The following ADCY1 variants were observed in gnomAD, a reference collection of about 807,000 sequenced individuals.
ADCY1 encodes adenylate cyclase type 1.
In ADCY1, 28 loss-of-function variants were observed where a neutral mutation model predicts 105.4. That is an observed-to-expected ratio of 0.27 (90% confidence interval 0.20 to 0.36). The LOEUF (loss-of-function observed/expected upper bound fraction) is 0.36, where lower values mean the gene tolerates loss of function less well. Ranked by LOEUF, ADCY1 falls within the 10% of genes least tolerant of loss-of-function variation. The pLI is 1.00. For missense variants in ADCY1, 977 were observed against 1,434.2 expected (o/e 0.68, Z 5.15); for synonymous variants, 655 against 623.8 (o/e 1.05, Z -0.75).
At chr7:45,685,127 C>T in intron 12 of ADCY1, 59 bp downstream of exon 12, 1 of 1,488,444 alleles carries the variant, frequency 6.7e-7, no homozygotes, top group Non-Finnish European at 9.4e-7. Flanking sequence ...CATGGAGGAC[C>T]AGCCCAGAAG....
At chr7:45,643,514 A>G (rs775694603) in intron 4 of ADCY1, among the ~76,000 whole-genome samples, 1 of 152,224 alleles carries the variant, frequency 6.6e-6, no homozygotes, top group Non-Finnish European at 1.5e-5. Flanking sequence ...TCCTTGCATT[A>G]TATTCTACCA....
chr7:45,672,242 G>T (rs1243317841), intron 8 of ADCY1, among the ~76,000 whole-genome samples: 1 of 152,086 alleles, frequency 6.6e-6, no homozygotes, highest in Non-Finnish European at 1.5e-5. Flanking sequence ...TCAAAAGTCA[G>T]TTGGCCATAC....
At chr7:45,622,067 C>G (rs754442871) in intron 3 of ADCY1, among the ~76,000 whole-genome samples, 1 of 152,148 alleles carries the variant, frequency 6.6e-6, no homozygotes, top group African/African-American at 2.4e-5. Flanking sequence ...TACGTAGAGG[C>G]TTTGATGCAA....
chr7:45,691,199 G>T (rs529192716), intron 14 of ADCY1, among the ~76,000 whole-genome samples: 1 of 152,338 alleles, frequency 6.6e-6, no homozygotes, highest in South Asian at 2.1e-4. Context: ...AATGCCCAAT[G>T]AGCATACCAG....
intron 4 of ADCY1, among the ~76,000 whole-genome samples, chr7:45,631,467 A>G (rs1230266965): frequency 2.0e-5 from 3 of 152,262 alleles, no homozygotes; most frequent in African/African-American, 7.2e-5. Flanking sequence ...AGTCTGCCTC[A>G]CAATCCAGCA....
chr7:45,588,907 A>G (rs1280637893), intron 1 of ADCY1, among the ~76,000 whole-genome samples: 1 of 149,406 alleles, frequency 6.7e-6, no homozygotes, highest in Non-Finnish European at 1.5e-5. Flanking sequence ...GTGTGTGTGT[A>G]ACACTTTCCT....
intron 4 of ADCY1, among the ~76,000 whole-genome samples, chr7:45,648,227 G>T (rs1302294999): frequency 6.6e-6 from 1 of 152,232 alleles, no homozygotes; most frequent in Non-Finnish European, 1.5e-5. Context: ...ACCCTTCCTG[G>T]GGAGAAGCAG....
In ADCY1 at chr7:45,703,301, AGAAG is replaced by A; in HGVS notation, c.2455-70_2455-67del. The A allele has an allele frequency of 7.1e-7, 1 of 1,406,234 alleles. No homozygotes were observed. The highest frequency in any genetic ancestry group is 1.7e-5 in the Admixed American group (1 of 59,496). The allele number at this position is 1,406,234 out of a possible 1,614,324, so 87.1% of individuals were successfully genotyped here. ...CACCTGGAGTCCAGTTTGGATGATTAGAAGGAAGTGTGCGGTGGGAACAAGTGAA... is the reference window on the plus strand; with the variant it reads ...CACCTGGAGTCCAGTTTGGATGATTAGAAGTGTGCGGTGGGAACAAGTGAA... On this transcript the variant is annotated intron_variant, in intron 14 of 19. Coordinates refer to ENST00000297323, the MANE Select transcript of ADCY1 (RefSeq NM_021116.4). This position sits in a 1 kb window ranked among gnomAD's most constrained non-coding sequence, Gnocchi z 5.9.
Position 45,716,644 on chromosome 7 carries a change from C to T in ADCY1, c.*2649C>T, listed in dbSNP as rs1034047973. 2 of 153,360 alleles carry T rather than the reference C, an allele frequency of 1.3e-5. No individual in the cohort carries two copies. Among genetic ancestry groups the T allele is most frequent in the African/African-American group, 4.8e-5 (2 of 41,484 alleles). The allele number at this position is 153,360 out of a possible 1,614,324, so 9.5% of individuals were successfully genotyped here. ...GTGCCGCTGCCCAGCTTCGGCCATC[C>T]AGGTGGTGGGTAGACAGAGGAGTGA... On this transcript the variant is annotated 3_prime_UTR_variant, in exon 20 of 20. Transcript: ENST00000297323.
intron 1 of ADCY1, among the ~76,000 whole-genome samples, chr7:45,590,708 T>C (rs1792889277): frequency 6.6e-6 from 1 of 151,576 alleles, no homozygotes. Context: ...ATAGTGGAGA[T>C]TTCAAGGTCA....
chr7:45,712,086 TATA>T (rs1186316354), intron 19 of ADCY1, among the ~76,000 whole-genome samples: 1 of 132,752 alleles, frequency 7.5e-6, no homozygotes, highest in Non-Finnish European at 1.6e-5. Flanking sequence ...ATATTAAATA[TATA>T]ATATATTTTA....
intron 7 of ADCY1, among the ~76,000 whole-genome samples, chr7:45,660,674 G>A (rs1237411672): frequency 1.3e-5 from 2 of 152,042 alleles, no homozygotes; most frequent in Non-Finnish European, 2.9e-5. Context: ...TCAGGTGAGG[G>A]TGCAGGACTC....
At chr7:45,687,648 A>G (rs941267254) in intron 14 of ADCY1, among the ~76,000 whole-genome samples, 4 of 152,248 alleles carry the variant, frequency 2.6e-5, no homozygotes, top group Non-Finnish European at 1.5e-5. Flanking sequence ...CACCTTAAGA[A>G]TAGCTCTTCG....
Position 45,703,508 on chromosome 7 carries a change from G to A in ADCY1, c.2571+16G>A. 2 of 1,613,990 alleles carry A rather than the reference G, an allele frequency of 1.2e-6. No individual in the cohort carries two copies. Among genetic ancestry groups the A allele is most frequent in the Non-Finnish European group, 1.7e-6 (2 of 1,179,948 alleles). On this transcript the variant is annotated intron_variant, in intron 15 of 19. Transcript: ENST00000297323. This position sits in a 1 kb window ranked among gnomAD's most constrained non-coding sequence, Gnocchi z 5.9. Reference sequence around the variant, plus strand: ...TCGGAACATGGTGAGCACCCAGCCTGCTCCTGGCCAGCACTAGCCCTACAC... The same window carrying A: ...TCGGAACATGGTGAGCACCCAGCCTACTCCTGGCCAGCACTAGCCCTACAC...
intron 4 of ADCY1, among the ~76,000 whole-genome samples, chr7:45,640,731 T>A (rs1292657705): frequency 6.6e-6 from 1 of 152,252 alleles, no homozygotes; most frequent in Non-Finnish European, 1.5e-5. Context: ...TTATCTTTAT[T>A]TTCTATAGGG....
chr7:45,662,019 A>G lies in ADCY1; in HGVS notation c.1450-40A>G, dbSNP rs1795119688. On this transcript the variant is annotated intron_variant, in intron 7 of 19. Coordinates refer to ENST00000297323, the MANE Select transcript of ADCY1 (RefSeq NM_021116.4). ...CAGTCCGAGAGGCACAATGTGTCTC[A>G]TTCACAGCATTTCTCCTTGCCCCTT... 8.1e-6 allele frequency: 13 copies of G among 1,597,696 alleles called. No homozygotes were observed. In the East Asian group the frequency reaches 2.9e-4, roughly 36 times the overall value.
Position 45,716,397 on chromosome 7 carries a change from TG to T in ADCY1, c.*2404del, listed in dbSNP as rs1044021831. ...CTTCAGGACAAATGGTTTGTCCTTA[TG>T]GTCCCCTTTCCACTAGGATTTTCTC... On this transcript the variant is annotated 3_prime_UTR_variant, in exon 20 of 20. Transcript: ENST00000297323. 10 of 152,620 alleles carry T rather than the reference TG, an allele frequency of 6.6e-5. No individual in the cohort carries two copies. The highest frequency in any genetic ancestry group is 2.2e-4 in the African/African-American group (9 of 41,576). 9.5% of individuals were successfully genotyped at this position (152,620 alleles called of 1,614,324 possible).
At chr7:45,637,749 A>T (rs1459660462) in intron 4 of ADCY1, among the ~76,000 whole-genome samples, 3 of 152,220 alleles carry the variant, frequency 2.0e-5, no homozygotes, top group Non-Finnish European at 2.9e-5. Flanking sequence ...AAAGAATTTT[A>T]AAAAACATTT....
At chr7:45,658,573 G>A in intron 6 of ADCY1, among the ~76,000 whole-genome samples, 1 of 152,346 alleles carries the variant, frequency 6.6e-6, no homozygotes, top group Middle Eastern at 3.4e-3. Flanking sequence ...CTGCCCCTCA[G>A]TGTGCCCGGG....
Sources: allele counts gnomAD v4.1 joint callset (sites outside exome capture counted in the v4.1 genomes callset), GRCh38; gene constraint gnomAD v4.1.1; non-coding constraint Gnocchi (gnomAD v3.1); transcripts MANE v1.5; gene names NCBI Gene and HGNC (gene_info 2026-07-23, HGNC 2026-07-21).